Variants in RALYL observed in about 807,000 individuals in gnomAD.
RALYL encodes the protein RALY RNA binding protein like.
Under a neutral mutation model 35.1 loss-of-function variants are expected in RALYL, and 29 were observed. That is an observed-to-expected ratio of 0.83 (90% CI 0.61 to 1.13). The LOEUF (loss-of-function observed/expected upper bound fraction) is 1.13, where lower values mean the gene tolerates loss of function less well. Ranked by LOEUF, RALYL falls within the 50% of genes most tolerant of loss-of-function variation. RALYL has a pLI of 0.00. For synonymous variants in RALYL, 120 were observed against 127.6 expected (o/e 0.94, Z 0.40); for missense variants, 359 against 360.4 (o/e 1.00, Z 0.03).
intron 2 of RALYL, among the ~76,000 whole-genome samples, chr8:84,752,272 A>G (rs1210296545): frequency 6.6e-6 from 1 of 152,174 alleles, no homozygotes; most frequent in Non-Finnish European, 1.5e-5. Context: ...GTTATCTGGC[A>G]GAAGAAAATT....
intron 2 of RALYL, among the ~76,000 whole-genome samples, chr8:84,605,159 A>G (rs1816829057): frequency 6.6e-6 from 1 of 152,136 alleles, no homozygotes; most frequent in Non-Finnish European, 1.5e-5. Flanking sequence ...TGAATGTGAA[A>G]TAGGGGGTAA....
intron 1 of RALYL, among the ~76,000 whole-genome samples, chr8:84,205,861 G>A (rs1056206144): frequency 3.9e-4 from 59 of 152,158 alleles, no homozygotes; most frequent in African/African-American, 1.3e-3. Context: ...TCATAGTTCT[G>A]GAGGCTGGAT....
At chr8:84,890,288 T>C (rs1475500259) in intron 8 of RALYL, among the ~76,000 whole-genome samples, 1 of 152,116 alleles carries the variant, frequency 6.6e-6, no homozygotes, top group Non-Finnish European at 1.5e-5. Flanking sequence ...TCTAAGGATG[T>C]TGTGGCAGGA....
chr8:84,794,873 A>G (rs1821558166), intron 3 of RALYL, among the ~76,000 whole-genome samples: 1 of 152,218 alleles, frequency 6.6e-6, no homozygotes, highest in Non-Finnish European at 1.5e-5. Flanking sequence ...ATTACAGTCC[A>G]TCCGAGGGAG....
At position 84,529,289 on chromosome 8, in the gene RALYL, T is replaced by C. The variant is rs1466954713; in HGVS notation, c.-23-10T>C. The C allele has an allele frequency of 3.7e-5, 57 of 1,549,896 alleles. No homozygotes were observed. The highest frequency in any genetic ancestry group is 4.7e-5 in the Non-Finnish European group (54 of 1,144,902). ...ATTATTTGTTTTGTTTGTTTGTTTG[T>C]TTGTTTAAGGATTAAAGCAAGGAGA... On this transcript the variant is annotated splice_polypyrimidine_tract_variant and intron_variant, in intron 1 of 8. Coordinates refer to ENST00000521268, the MANE Select transcript of RALYL (RefSeq NM_173848.7).
intron 1 of RALYL, among the ~76,000 whole-genome samples, chr8:84,193,261 G>A (rs185955361): frequency 2.0e-5 from 3 of 152,136 alleles, no homozygotes; most frequent in African/African-American, 7.2e-5. Context: ...AGGAAAATAT[G>A]AATGCATCTT....
chr8:84,503,429 A>G (rs1019713320), intron 1 of RALYL, among the ~76,000 whole-genome samples: 1 of 151,640 alleles, frequency 6.6e-6, no homozygotes, highest in Non-Finnish European at 1.5e-5. Context: ...AAGCACTGGG[A>G]TTACAGGCAT....
intron 1 of RALYL, among the ~76,000 whole-genome samples, chr8:84,349,554 A>G (rs1370014359): frequency 6.7e-6 from 1 of 150,230 alleles, no homozygotes; most frequent in Non-Finnish European, 1.5e-5. Flanking sequence ...CAGTTACTTG[A>G]GCTTCAAATT....
chr8:84,722,635 ATATATATATATATG>A (rs1481422197), intron 2 of RALYL, among the ~76,000 whole-genome samples: 24 of 143,524 alleles, frequency 1.7e-4, no homozygotes, highest in Admixed American at 4.2e-4. Context: ...ATATATATAT[ATATATATATATATG>A]TATGTATATA....
chr8:84,253,326 A>G (rs1186615257), intron 1 of RALYL, among the ~76,000 whole-genome samples: 1 of 148,732 alleles, frequency 6.7e-6, no homozygotes, highest in African/African-American at 2.5e-5. Flanking sequence ...AGTAGCTGAG[A>G]TTATAGGTGT....
intron 2 of RALYL, among the ~76,000 whole-genome samples, chr8:84,701,388 T>G (rs1840164273): frequency 6.6e-6 from 1 of 152,128 alleles, no homozygotes; most frequent in Non-Finnish European, 1.5e-5. Flanking sequence ...TGCTGCATCT[T>G]TTCGGTTTTA....
intron 1 of RALYL, among the ~76,000 whole-genome samples, chr8:84,310,482 G>A (rs140990431): frequency 1.3e-5 from 2 of 151,768 alleles, no homozygotes; most frequent in African/African-American, 2.4e-5. Context: ...ATGGAAAACG[G>A]CAATAAATCC....
chr8:84,881,083 C>T (rs866465588), intron 7 of RALYL, among the ~76,000 whole-genome samples: 1 of 151,934 alleles, frequency 6.6e-6, no homozygotes, highest in Non-Finnish European at 1.5e-5. Flanking sequence ...GTCATCTCAA[C>T]AATCTAGGGT....
At chr8:84,294,679 G>T (rs750187864) in intron 1 of RALYL, among the ~76,000 whole-genome samples, 1 of 152,002 alleles carries the variant, frequency 6.6e-6, no homozygotes, top group Non-Finnish European at 1.5e-5. Flanking sequence ...TATAACAAAG[G>T]TCACCGACCT....
intron 2 of RALYL, among the ~76,000 whole-genome samples, chr8:84,768,156 G>A (rs1444797820): frequency 1.3e-5 from 2 of 152,122 alleles, no homozygotes; most frequent in African/African-American, 2.4e-5. Flanking sequence ...CACAGTGCCA[G>A]GATAATCAGG....
intron 2 of RALYL, among the ~76,000 whole-genome samples, chr8:84,676,868 T>C (rs1444234786): frequency 6.6e-6 from 1 of 152,170 alleles, no homozygotes; most frequent in Non-Finnish European, 1.5e-5. Flanking sequence ...AGTGGCCTGA[T>C]CTCAGCTCAC....
At chr8:84,914,925 G>C (rs1463220751) in intron 8 of RALYL, among the ~76,000 whole-genome samples, 1 of 151,856 alleles carries the variant, frequency 6.6e-6, no homozygotes, top group African/African-American at 2.4e-5. Context: ...GTGTTCCCAG[G>C]CTGCCTCACT....
At chr8:84,746,843 T>G in intron 2 of RALYL, among the ~76,000 whole-genome samples, 1 of 136,894 alleles carries the variant, frequency 7.3e-6, no homozygotes, top group East Asian at 2.0e-4. Context: ...TTTAAGATGC[T>G]TACTGTCTAA....
intron 2 of RALYL, among the ~76,000 whole-genome samples, chr8:84,634,871 C>T (rs976940056): frequency 6.6e-6 from 1 of 151,704 alleles, no homozygotes; most frequent in African/African-American, 2.4e-5. Context: ...AAATGATAAA[C>T]TGCTATGTTC....
Sources: allele counts gnomAD v4.1 joint callset (sites outside exome capture counted in the v4.1 genomes callset), GRCh38; gene constraint gnomAD v4.1.1; transcripts MANE v1.5; gene names NCBI Gene and HGNC (gene_info 2026-07-23, HGNC 2026-07-21).